The following CNTLN variants were observed in gnomAD, a reference collection of about 807,000 sequenced individuals.
CNTLN encodes the protein centlein.
In CNTLN, 212 loss-of-function variants were observed where a neutral mutation model predicts 180.0. The observed-to-expected ratio is 1.18, with a 90% CI of 1.05 to 1.32. The LOEUF (loss-of-function observed/expected upper bound fraction) is 1.32, where lower values mean the gene tolerates loss of function less well. Among genes scored for constraint, CNTLN ranks in the 40% most tolerant of loss-of-function variants. The pLI, the probability that CNTLN is intolerant of heterozygous loss-of-function variation, is 0.00. For missense variants in CNTLN, 2,095 were observed against 1,610.9 expected (o/e 1.30, Z -5.14); for synonymous variants, 722 against 563.1 (o/e 1.28, Z -3.99).
intron 2 of CNTLN, among the ~76,000 whole-genome samples, chr9:17,207,741 G>C (rs983006050): frequency 6.6e-6 from 1 of 152,034 alleles, no homozygotes; most frequent in African/African-American, 2.4e-5. Flanking sequence ...CCCACCTTCT[G>C]CGTTGGTCTC....
At position 17,342,327 on chromosome 9, in the gene CNTLN, C is replaced by T; in HGVS notation, c.1769C>T (p.Thr590Ile). Residue 590 changes from threonine (T) to isoleucine (I), a missense_variant and splice_region_variant, in exon 12 of 26, where the codon ACT becomes ATT. Thr to Ile is a moderately conservative substitution (Grantham distance 89, BLOSUM62 -1). Coordinates refer to ENST00000380647, the MANE Select transcript of CNTLN (RefSeq NM_017738.4). Reference protein sequence around the residue: ...LKQWEEGSGMTEIRKIKRADP... With the variant: ...LKQWEEGSGMIEIRKIKRADP... Reference sequence around the variant, plus strand: ...AAGCAACTTTGTTTTAAAAATAGGACTGAAATCAGGAAAATAAAGAGAGCA... The same window carrying T: ...AAGCAACTTTGTTTTAAAAATAGGATTGAAATCAGGAAAATAAAGAGAGCA... 1 of 1,611,272 alleles carries T rather than the reference C, an allele frequency of 6.2e-7. No individual in the cohort carries two copies.
intron 18 of CNTLN, among the ~76,000 whole-genome samples, chr9:17,423,279 G>A (rs142752649): frequency 3.3e-4 from 50 of 152,254 alleles, no homozygotes; most frequent in Non-Finnish European, 5.4e-4. Context: ...GTAATGAATC[G>A]TGCCAGAACT....
At chr9:17,346,547 T>C (rs562099014) in intron 12 of CNTLN, among the ~76,000 whole-genome samples, 119 of 152,340 alleles carry the variant, frequency 7.8e-4, no homozygotes, top group African/African-American at 2.7e-3. Context: ...TTGAAAAATT[T>C]GCTACTTCCT....
At chr9:17,341,846 A>C (rs897219729) in intron 11 of CNTLN, among the ~76,000 whole-genome samples, 4 of 152,182 alleles carry the variant, frequency 2.6e-5, no homozygotes, top group African/African-American at 9.6e-5. Context: ...AGTTTGTCCT[A>C]GATTTATCCT....
rs373270375 is a variant in CNTLN at position 17,484,312 on chromosome 9, G to C, written c.3873G>C (p.Leu1291Phe). 1 of 1,599,016 alleles carries C rather than the reference G, an allele frequency of 6.3e-7. No individual in the cohort carries two copies. Among genetic ancestry groups the C allele is most frequent in the East Asian group, 2.2e-5 (1 of 44,758 alleles). ...TTFVKALAKE[L>F]QNDVHVVRRQ... ...TGTTACAGGCTTTGGCCAAAGAGTT[G>C]CAAAATGATGTCCATGTGGTAAGGC... The change falls in exon 24 of 26, where the codon TTG (leucine) becomes TTC (phenylalanine). Residue 1291 changes from leucine to phenylalanine, a missense_variant. Leu to Phe is a conservative substitution (Grantham distance 22). Coordinates refer to ENST00000380647, the MANE Select transcript of CNTLN (RefSeq NM_017738.4).
intron 15 of CNTLN, among the ~76,000 whole-genome samples, chr9:17,404,518 G>C (rs746178310): frequency 6.6e-6 from 1 of 151,564 alleles, no homozygotes; most frequent in Non-Finnish European, 1.5e-5. Context: ...GCTAAAAAGC[G>C]TCAAAAGGAG....
intron 19 of CNTLN, among the ~76,000 whole-genome samples, chr9:17,459,023 G>C (rs1203823503): frequency 6.6e-6 from 1 of 151,578 alleles, no homozygotes; most frequent in Non-Finnish European, 1.5e-5. Context: ...TCTTACTTCT[G>C]TGATTCTTCA....
At chr9:17,423,984 G>A (rs780444147) in intron 18 of CNTLN, among the ~76,000 whole-genome samples, 4 of 152,090 alleles carry the variant, frequency 2.6e-5, no homozygotes, top group Non-Finnish European at 5.9e-5. Context: ...TGGTTTGCCT[G>A]ATTGCTTACC....
intron 19 of CNTLN, among the ~76,000 whole-genome samples, chr9:17,458,862 G>C (rs1564124447): frequency 6.6e-6 from 1 of 151,938 alleles, no homozygotes; most frequent in South Asian, 2.1e-4. Context: ...AGGAAGAAGT[G>C]TTGTGCAATT....
intron 12 of CNTLN, among the ~76,000 whole-genome samples, chr9:17,348,043 C>G (rs1822053711): frequency 6.6e-6 from 1 of 152,052 alleles, no homozygotes; most frequent in African/African-American, 2.4e-5. Flanking sequence ...GTTGGTCAGT[C>G]TGGTATCGAA....
intron 12 of CNTLN, among the ~76,000 whole-genome samples, chr9:17,348,820 G>A (rs1822133784): frequency 6.6e-6 from 1 of 152,136 alleles, no homozygotes; most frequent in African/African-American, 2.4e-5. Flanking sequence ...GTGAGCCACC[G>A]TGCCTGGCCC....
chr9:17,349,427 A>G (rs1271165385), intron 12 of CNTLN, among the ~76,000 whole-genome samples: 1 of 152,176 alleles, frequency 6.6e-6, no homozygotes, highest in African/African-American at 2.4e-5. Flanking sequence ...AAAAAGATAT[A>G]CTATTAATAC....
intron 5 of CNTLN, among the ~76,000 whole-genome samples, chr9:17,265,832 G>C (rs912770194): frequency 2.0e-5 from 3 of 152,300 alleles, no homozygotes; most frequent in Admixed American, 6.5e-5. Flanking sequence ...GCTTAGAGGT[G>C]TTTGTAGTAT....
intron 8 of CNTLN, among the ~76,000 whole-genome samples, chr9:17,329,821 T>C (rs540841306): frequency 9.2e-4 from 139 of 151,766 alleles, no homozygotes; most frequent in African/African-American, 3.2e-3. Flanking sequence ...TACTAGATCC[T>C]TATTGATAAT....
At chr9:17,263,212 T>G (rs1210581964) in intron 5 of CNTLN, among the ~76,000 whole-genome samples, 5 of 99,420 alleles carry the variant, frequency 5.0e-5, no homozygotes, top group African/African-American at 2.1e-4. Context: ...CCCACAACAG[T>G]CCCCGGAGTG....
rs112174308 is a variant in CNTLN, at chr9:17,203,985, C to A, written c.450-22218C>A. ...ATACTTGTGTTTGCTTCACAAAGTTCTTGTGCTGTGTTTTTCAGCTCCATC... is the reference window on the plus strand; with the variant it reads ...ATACTTGTGTTTGCTTCACAAAGTTATTGTGCTGTGTTTTTCAGCTCCATC... On this transcript the variant is annotated intron_variant, in intron 2 of 25. Transcript: ENST00000380647. Among the ~76,000 whole-genome samples, 275 of 152,302 alleles carry A rather than the reference C, an allele frequency of 1.8e-3. 5 individuals are homozygous for A. The highest frequency in any genetic ancestry group is 6.4e-3 in the African/African-American group (266 of 41,570).
chr9:17,269,621 T>C (rs1398692820), intron 5 of CNTLN, among the ~76,000 whole-genome samples: 1 of 152,160 alleles, frequency 6.6e-6, no homozygotes, highest in Non-Finnish European at 1.5e-5. Context: ...TACATTGTGA[T>C]CAGAAAAAAT....
intron 5 of CNTLN, among the ~76,000 whole-genome samples, chr9:17,257,758 G>A (rs1160701831): frequency 2.6e-5 from 4 of 151,008 alleles, no homozygotes; most frequent in Admixed American, 6.6e-5. Flanking sequence ...TGTGTTTCTT[G>A]GCTGCATAAA....
At chr9:17,447,362 G>T in intron 18 of CNTLN, 1 of 196,122 alleles carries the variant, frequency 5.1e-6, no homozygotes, top group Admixed American at 4.6e-5. Context: ...TTCCTGTGTT[G>T]AGAAAAAAGT....
Sources: gnomAD v4.1 joint callset for allele counts (sites outside exome capture counted in the v4.1 genomes callset) on GRCh38, gnomAD v4.1.1 for gene constraint, MANE v1.5 for transcripts, NCBI Gene and HGNC (gene_info 2026-07-23, HGNC 2026-07-21) for gene names.